PAK2: variants seen among roughly 807,000 people sequenced by gnomAD.
PAK2 encodes the protein serine/threonine-protein kinase PAK 2.
PAK2 carries 21 observed loss-of-function variants against 65.9 expected under a neutral mutation model. The observed-to-expected ratio is 0.32, with a 90% CI of 0.23 to 0.46. PAK2 has a LOEUF of 0.46. PAK2 is among the 20% of genes least tolerant of loss of function. The pLI is 1.00. For missense variants in PAK2, 324 were observed against 642.6 expected, an observed-to-expected ratio of 0.50 and a Z score of 5.36; for synonymous variants, 204 against 219.7, an observed-to-expected ratio of 0.93 and a Z score of 0.63.
chr3:196,806,801 T>G (rs1354857406), intron 6 of PAK2, 115 bp downstream of exon 6: 1 of 656,952 alleles, frequency 1.5e-6, no homozygotes, highest in East Asian at 2.8e-5. Context: ...TTTAAAATCG[T>G]TTAGTATGGG....
At chr3:196,823,810 G>A (rs1577753157) in intron 13 of PAK2, among the ~76,000 whole-genome samples, 8 of 115,430 alleles carry the variant, frequency 6.9e-5, no homozygotes, top group Admixed American at 9.2e-5. Context: ...AGATTCTGTC[G>A]CAAAAAAAAA....
chr3:196,807,428 T>A (rs1715623007), intron 6 of PAK2, among the ~76,000 whole-genome samples: 1 of 152,214 alleles, frequency 6.6e-6, no homozygotes, highest in Admixed American at 6.5e-5. Context: ...CATCAAGGTT[T>A]CTGTTCTTTT....
chr3:196,797,079 C>T (rs1715280495), intron 2 of PAK2, among the ~76,000 whole-genome samples: 1 of 152,100 alleles, frequency 6.6e-6, no homozygotes, highest in Non-Finnish European at 1.5e-5. Context: ...TATCAGCCAA[C>T]TTGACCTAAT....
intron 1 of PAK2, among the ~76,000 whole-genome samples, chr3:196,762,105 CG>C (rs1713996127): frequency 1.5e-5 from 2 of 132,770 alleles, no homozygotes; most frequent in South Asian, 4.9e-4. Flanking sequence ...GATGGGGCGG[CG>C]GGGCAGAGGC....
chr3:196,808,914 C>A (rs1323996933), intron 7 of PAK2, among the ~76,000 whole-genome samples: 2 of 150,802 alleles, frequency 1.3e-5, no homozygotes, highest in Non-Finnish European at 3.0e-5. Flanking sequence ...CTAGAGGGTT[C>A]AAGGAAAAAT....
At chr3:196,811,596 A>C (rs1363086684) in intron 8 of PAK2, among the ~76,000 whole-genome samples, 2 of 151,442 alleles carry the variant, frequency 1.3e-5, no homozygotes, top group African/African-American at 4.9e-5. Context: ...GTTTTATGAA[A>C]GAGAATTGAA....
At chr3:196,759,489 GTTTTTTTTGTTTTTTTTTTTTTT>G (rs1713878861) in intron 1 of PAK2, among the ~76,000 whole-genome samples, 7 of 98,876 alleles carry the variant, frequency 7.1e-5, no homozygotes, top group Admixed American at 2.4e-4. Flanking sequence ...CAGTTAAGTG[GTTTTTTTTGTTTTTTTTTTTTTT>G]TTTTTTTTTT....
chr3:196,828,402 T>C lies in PAK2; in HGVS notation c.1572T>C (p.Arg524=), dbSNP rs1208934788. 4 of 1,551,576 alleles carry C rather than the reference T, an allele frequency of 2.6e-6. No homozygotes were observed. Among genetic ancestry groups the C allele is most frequent in the Admixed American group, 3.4e-5 (2 of 59,392 alleles). ...CTAAAGAAGCAATGAAGAGTAACCG[T>C]TAACATCACTGCTGTGGCCTCATAC... ...MAAKEAMKSN[R] The change falls in exon 15 of 15, where the codon CGT becomes CGC. Residue 524 remains arginine, a synonymous_variant. Transcript: ENST00000327134.
chr3:196,822,557 G>GT (rs1237920442), intron 13 of PAK2, among the ~76,000 whole-genome samples: 1 of 152,100 alleles, frequency 6.6e-6, no homozygotes, highest in African/African-American at 2.4e-5. Context: ...AAGCATGTTA[G>GT]TGTGTGCCTG....
chr3:196,773,500 G>A (rs922628999), intron 1 of PAK2, among the ~76,000 whole-genome samples: 1 of 152,162 alleles, frequency 6.6e-6, no homozygotes. Context: ...TGAATCAGCT[G>A]TGAGGGGAAA....
At chr3:196,822,693 G>T (rs899356473) in intron 13 of PAK2, among the ~76,000 whole-genome samples, 2 of 151,932 alleles carry the variant, frequency 1.3e-5, no homozygotes, top group African/African-American at 4.8e-5. Context: ...GCTAGGACCT[G>T]TCTCAAAAAA....
chr3:196,803,207 A>G, intron 4 of PAK2, 43 bp downstream of exon 4: 3 of 1,464,462 alleles, frequency 2.0e-6, no homozygotes, highest in South Asian at 2.6e-5. Context: ...AGATTTGTGA[A>G]GCACTTCTAG....
chr3:196,809,348 CTTTTTTTTTT>C (rs758343803), intron 7 of PAK2, among the ~76,000 whole-genome samples: 1 of 90,714 alleles, frequency 1.1e-5, no homozygotes, highest in Non-Finnish European at 2.0e-5. Context: ...TTATTATTAT[CTTTTTTTTTT>C]TTTTTTTTTG....
At chr3:196,764,299 G>C (rs1714083633) in intron 1 of PAK2, among the ~76,000 whole-genome samples, 1 of 152,052 alleles carries the variant, frequency 6.6e-6, no homozygotes. Flanking sequence ...GAGATTTTCT[G>C]ATGGAACATC....
At chr3:196,779,860 A>G (rs1714649915) in intron 1 of PAK2, among the ~76,000 whole-genome samples, 1 of 152,162 alleles carries the variant, frequency 6.6e-6, no homozygotes, top group Non-Finnish European at 1.5e-5. Flanking sequence ...TCGTAGAGAC[A>G]GGGTTTTACC....
intron 2 of PAK2, among the ~76,000 whole-genome samples, chr3:196,797,173 C>T (rs1274607101): frequency 6.6e-6 from 1 of 152,118 alleles, no homozygotes; most frequent in Non-Finnish European, 1.5e-5. Flanking sequence ...TAAAAATTCT[C>T]AAAAATGTTG....
At chr3:196,792,514 CTT>C (rs1184924812) in intron 2 of PAK2, among the ~76,000 whole-genome samples, 1 of 152,150 alleles carries the variant, frequency 6.6e-6, no homozygotes, top group African/African-American at 2.4e-5. Context: ...GACCAGATCT[CTT>C]TTAAGTTACA....
chr3:196,774,577 G>T (rs1327226867), intron 1 of PAK2, among the ~76,000 whole-genome samples: 1 of 152,172 alleles, frequency 6.6e-6, no homozygotes, highest in African/African-American at 2.4e-5. Flanking sequence ...AATTATTTAG[G>T]CCAGGAAAGT....
chr3:196,809,970 C>A (rs1184161583), intron 7 of PAK2, among the ~76,000 whole-genome samples: 2 of 151,860 alleles, frequency 1.3e-5, no homozygotes, highest in Admixed American at 1.3e-4. Flanking sequence ...TTTGAACTTT[C>A]CTAAAACAAA....
Sources: gnomAD v4.1 joint callset for allele counts (sites outside exome capture counted in the v4.1 genomes callset) on GRCh38, gnomAD v4.1.1 for gene constraint, MANE v1.5 for transcripts, NCBI Gene and HGNC (gene_info 2026-07-23, HGNC 2026-07-21) for gene names.